Variants in GLB1L2 observed in about 807,000 individuals in gnomAD.
GLB1L2 encodes the protein galactosidase beta 1 like 2, also known as beta-galactosidase-1-like protein 2.
In GLB1L2, 68 loss-of-function variants were observed where a neutral mutation model predicts 84.1. The observed-to-expected ratio is 0.81, with a 90% CI of 0.67 to 0.99. The LOEUF (loss-of-function observed/expected upper bound fraction) is 0.99, where lower values mean the gene tolerates loss of function less well. Among genes scored for constraint, GLB1L2 ranks in the 50% least tolerant of loss-of-function variants. The pLI is 0.00. For synonymous variants in GLB1L2, 290 were observed against 318.0 expected (o/e 0.91, Z 0.94); for missense variants, 762 against 805.6 (o/e 0.95, Z 0.66).
chr11:134,362,726 C>T (rs957789840), intron 7 of GLB1L2, among the ~76,000 whole-genome samples: 1 of 152,244 alleles, frequency 6.6e-6, no homozygotes, highest in African/African-American at 2.4e-5. Context: ...CCCGCAGCAG[C>T]TCGGGCCCAG....
chr11:134,370,449 C>G lies in GLB1L2; in HGVS notation c.1215+50C>G, dbSNP rs530304754. The G allele has an allele frequency of 6.9e-7, 1 of 1,454,236 alleles. No individual in the cohort carries two copies. Among genetic ancestry groups the G allele is most frequent in the Admixed American group, 1.7e-5 (1 of 59,562 alleles). The allele number at this position is 1,454,236 out of a possible 1,614,324, so 90.1% of individuals were successfully genotyped here. On this transcript the variant is annotated intron_variant, in intron 12 of 18. Coordinates refer to ENST00000535456, the MANE Select transcript of GLB1L2 (RefSeq NM_001370461.1). The surrounding 1 kb of genome is among the most constrained non-coding windows in gnomAD (Gnocchi z 4.7). ...GAGGTGAGTGAGTGCCGGGGGCAGT[C>G]GTTGGCAGGGAGGTGAGTGCTGGGG...
At chr11:134,362,903 C>T (rs1008935011) in intron 7 of GLB1L2, among the ~76,000 whole-genome samples, 2 of 152,214 alleles carry the variant, frequency 1.3e-5, no homozygotes, top group Non-Finnish European at 2.9e-5. Context: ...CTTCCGCACT[C>T]CTAGACCATT....
At chr11:134,374,832 C>T (rs1227045228) in intron 18 of GLB1L2, 114 bp downstream of exon 18, 9 of 1,149,090 alleles carry the variant, frequency 7.8e-6, no homozygotes, top group South Asian at 3.9e-5. Flanking sequence ...CCCTCCTCCT[C>T]GCTGCAGACG....
intron 1 of GLB1L2, among the ~76,000 whole-genome samples, chr11:134,342,357 C>T (rs895722408): frequency 1.3e-5 from 2 of 152,244 alleles, no homozygotes; most frequent in African/African-American, 4.8e-5. Context: ...GCGACCGTGC[C>T]GGGGCTCGGA....
rs773187267 is a variant in GLB1L2 at position 134,371,775 on chromosome 11, G to C, written c.1452G>C (p.Leu484Phe). Residue 484 changes from leucine (L) to phenylalanine (F), a missense_variant, in exon 15 of 19, where the codon TTG (leucine) becomes TTC (phenylalanine). Around this residue, in one of 3 missense-constraint regions of GLB1L2, gnomAD observed 603 missense variants for 611.7 expected, o/e 0.99. Transcript: ENST00000535456. ...AGGGTTACACCGTGCTGAGGATCTT[G>C]GTGGAGAATCGTGGGCGAGTCAACT... Reference protein sequence around the residue: ...LIQGYTVLRILVENRGRVNYG... With the variant: ...LIQGYTVLRIFVENRGRVNYG... The C allele has an allele frequency of 4.5e-5, 73 of 1,614,074 alleles. No individual in the cohort carries two copies. The highest frequency in any genetic ancestry group is 5.9e-5 in the Non-Finnish European group (70 of 1,180,048).
rs117265451 is a variant in GLB1L2 at position 134,363,098 on chromosome 11, C to G, written c.734-1230C>G. On this transcript the variant is annotated intron_variant, in intron 7 of 18. Transcript: ENST00000535456. Reference sequence around the variant, plus strand: ...CTGCGGACTTTGAGTTCAGCCTGCTCAGTTTCAGACTGGCCTCCTGTCTTC... The same window carrying G: ...CTGCGGACTTTGAGTTCAGCCTGCTGAGTTTCAGACTGGCCTCCTGTCTTC... Among the ~76,000 whole-genome samples the G allele has an allele frequency of 5.9e-5, 9 of 152,266 alleles. No homozygotes were observed. In the East Asian group the frequency reaches 1.5e-3, roughly 26 times the overall value.
At chr11:134,342,487 C>T (rs1213318034) in intron 1 of GLB1L2, among the ~76,000 whole-genome samples, 3 of 152,138 alleles carry the variant, frequency 2.0e-5, no homozygotes. Context: ...GTGACGGCTG[C>T]CGTCTCTCCT....
chr11:134,342,789 G>A lies in GLB1L2; in HGVS notation c.122G>A (p.Arg41His), dbSNP rs776437306. The A allele has an allele frequency of 3.1e-6, 5 of 1,613,862 alleles. No homozygotes were observed. Among genetic ancestry groups the A allele is most frequent in the East Asian group, 2.2e-5 (1 of 44,884 alleles). Residue 41 changes from arginine (R) to histidine (H), a missense_variant, in exon 2 of 19, where the codon CGC becomes CAC. This residue lies in a region of GLB1L2 where 100 missense variants were observed against 88.8 expected (regional missense o/e 1.13). Coordinates refer to ENST00000535456, the MANE Select transcript of GLB1L2 (RefSeq NM_001370461.1). Reference sequence around the variant, plus strand: ...AGCACCCTGGTCCCTCTGCGGCTCCGCCATCGACAGCTGGGGCTGCAGGCC... The same window carrying A: ...AGCACCCTGGTCCCTCTGCGGCTCCACCATCGACAGCTGGGGCTGCAGGCC... Reference protein sequence around the residue: ...DWSTLVPLRLRHRQLGLQAKG... With the variant: ...DWSTLVPLRLHHRQLGLQAKG...
intron 9 of GLB1L2, among the ~76,000 whole-genome samples, chr11:134,367,997 G>T (rs79893499): frequency 6.6e-6 from 1 of 151,964 alleles, no homozygotes; most frequent in Non-Finnish European, 1.5e-5. Context: ...CCTCGGCACC[G>T]TGTAGATGTG....
intron 9 of GLB1L2, among the ~76,000 whole-genome samples, 164 bp from the exon 10 acceptor site, chr11:134,368,480 T>C (rs1473746230): frequency 6.6e-6 from 1 of 152,178 alleles, no homozygotes; most frequent in East Asian, 1.9e-4. Flanking sequence ...CCTCCACCCC[T>C]AATCTTCTGT....
intron 1 of GLB1L2, among the ~76,000 whole-genome samples, chr11:134,341,201 C>G (rs916954967): frequency 6.6e-6 from 1 of 152,172 alleles, no homozygotes; most frequent in African/African-American, 2.4e-5. Context: ...CTCTCTAATA[C>G]GCAAACACAT....
intron 6 of GLB1L2, 120 bp from the exon 7 acceptor site, chr11:134,358,936 GAAAT>G: frequency 1.5e-6 from 1 of 670,830 alleles, no homozygotes; most frequent in South Asian, 2.2e-5. Flanking sequence ...TTTTGGCAGA[GAAAT>G]AAACGCTTTA....
At chr11:134,337,512 T>C (rs548113021) in intron 1 of GLB1L2, among the ~76,000 whole-genome samples, 2 of 152,340 alleles carry the variant, frequency 1.3e-5, no homozygotes, top group African/African-American at 4.8e-5. Flanking sequence ...GAGTGAATAG[T>C]TCCTTCTTCA....
intron 16 of GLB1L2, 134 bp downstream of exon 16, chr11:134,373,942 G>A (rs1483220759): frequency 7.8e-6 from 6 of 772,972 alleles, no homozygotes; most frequent in African/African-American, 3.5e-5. Context: ...TCGGCTGGCC[G>A]AGGTGAGGGG....
At chr11:134,361,838 G>T (rs1943794762) in intron 7 of GLB1L2, among the ~76,000 whole-genome samples, 1 of 152,138 alleles carries the variant, frequency 6.6e-6, no homozygotes, top group African/African-American at 2.4e-5. Flanking sequence ...GTGCTCCGTG[G>T]CTTCCCGGCA....
intron 5 of GLB1L2, among the ~76,000 whole-genome samples, chr11:134,349,548 C>T (rs1397143319): frequency 6.6e-6 from 1 of 152,210 alleles, no homozygotes; most frequent in Non-Finnish European, 1.5e-5. Flanking sequence ...CACCAAATTA[C>T]ATTCCCACCA....
In GLB1L2 at chr11:134,342,969, C is replaced by G. The variant is rs758421709; in HGVS notation, c.284+18C>G. On this transcript the variant is annotated intron_variant, in intron 2 of 18. Coordinates refer to ENST00000535456, the MANE Select transcript of GLB1L2 (RefSeq NM_001370461.1). ...CTCACCACGTAGGTGCTGCCCCTGT[C>G]CCCCCGGAGCCTGGTTCCTAAGCAG... 1 of 1,581,774 alleles carries G rather than the reference C, an allele frequency of 6.3e-7. No homozygotes were observed. The highest frequency in any genetic ancestry group is 8.6e-7 in the Non-Finnish European group (1 of 1,160,064).
Position 134,338,306 on chromosome 11 carries a change from C to T in GLB1L2, c.87-4448C>T, listed in dbSNP as rs1943415843. Among the ~76,000 whole-genome samples, 1 of 152,142 alleles carries T rather than the reference C, an allele frequency of 6.6e-6. No homozygotes were observed. On this transcript the variant is annotated intron_variant, in intron 1 of 18. Transcript: ENST00000535456. This position sits in a 1 kb window ranked among gnomAD's most constrained non-coding sequence, Gnocchi z 6.2. ...GATTGACGGGTGATGCAGGGATGCC[C>T]GCTGGCATGGCAGGACGCATTTCAA...
intron 1 of GLB1L2, 53 bp downstream of exon 1, chr11:134,332,200 CG>C: frequency 7.7e-7 from 1 of 1,301,958 alleles, no homozygotes; most frequent in Non-Finnish European, 1.1e-6. Flanking sequence ...CCCAGCCCTC[CG>C]CACCTCGGGT....
Sources: gnomAD v4.1 joint callset for allele counts (sites outside exome capture counted in the v4.1 genomes callset) on GRCh38, gnomAD v4.1.1 for gene constraint, gnomAD v4.1.1 regional missense constraint, Gnocchi (gnomAD v3.1) non-coding constraint, MANE v1.5 for transcripts, NCBI Gene and HGNC (gene_info 2026-07-23, HGNC 2026-07-21) for gene names.